The following BACH2 variants were observed in gnomAD, a reference collection of about 807,000 sequenced individuals.
BACH2 encodes transcription regulator protein BACH2.
In BACH2, 5 loss-of-function variants were observed where a neutral mutation model predicts 61.8. The ratio of observed to expected loss-of-function variants is 0.08; its 90% CI spans 0.04 to 0.17. BACH2 has a LOEUF of 0.17. Ranked by LOEUF, BACH2 falls within the 10% of genes least tolerant of loss-of-function variation. The pLI, the probability that BACH2 is intolerant of heterozygous loss-of-function variation, is 1.00. For synonymous variants in BACH2, 446 were observed against 440.1 expected (o/e 1.01, Z -0.17); for missense variants, 824 against 1,091.1 (o/e 0.76, Z 3.45).
chr6:89,939,656 C>CTTTTTTTTTTT (rs71298713), intron 7 of BACH2, among the ~76,000 whole-genome samples: 9 of 82,618 alleles, frequency 1.1e-4, no homozygotes, highest in Admixed American at 1.7e-4. Context: ...GCTTATATTT[C>CTTTTTTTTTTT]TTTTTTTTTT....
chr6:90,122,924 G>A (rs905421453), intron 4 of BACH2, among the ~76,000 whole-genome samples: 5 of 152,152 alleles, frequency 3.3e-5, no homozygotes, highest in African/African-American at 4.8e-5. Flanking sequence ...AGAACTTAAC[G>A]GCAGAGAAAA....
chr6:89,974,428 A>G (rs1161528012), intron 6 of BACH2, among the ~76,000 whole-genome samples: 1 of 152,252 alleles, frequency 6.6e-6, no homozygotes, highest in African/African-American at 2.4e-5. Flanking sequence ...TGTGTTAGAC[A>G]CAAGGGATAT....
intron 5 of BACH2, among the ~76,000 whole-genome samples, chr6:90,043,211 A>C (rs938790564): frequency 6.6e-6 from 1 of 152,162 alleles, no homozygotes; most frequent in African/African-American, 2.4e-5. Context: ...TATGGTTTGA[A>C]TGTGTCCCCC....
intron 6 of BACH2, among the ~76,000 whole-genome samples, chr6:89,952,742 AGATT>A (rs1396683131): frequency 2.0e-5 from 3 of 152,242 alleles, no homozygotes; most frequent in Non-Finnish European, 2.9e-5. Context: ...TATTTTACAA[AGATT>A]GAAAGTGTGC....
intron 3 of BACH2, among the ~76,000 whole-genome samples, chr6:90,209,718 C>A (rs1017432673): frequency 2.6e-5 from 4 of 152,212 alleles, no homozygotes; most frequent in African/African-American, 4.8e-5. Flanking sequence ...AATCCCCGTA[C>A]TCTCAGAACT....
At chr6:90,023,706 G>A (rs904195350) in intron 5 of BACH2, among the ~76,000 whole-genome samples, 1 of 152,046 alleles carries the variant, frequency 6.6e-6, no homozygotes, top group Non-Finnish European at 1.5e-5. Context: ...GGGTTATAAG[G>A]GTAGAGCCCT....
At chr6:90,039,610 T>A (rs1319005500) in intron 5 of BACH2, among the ~76,000 whole-genome samples, 2 of 152,172 alleles carry the variant, frequency 1.3e-5, no homozygotes, top group African/African-American at 4.8e-5. Context: ...GGTCTCTATC[T>A]CCTGACCTCG....
chr6:90,100,720 C>CAG lies in BACH2; in HGVS notation c.-161-11612_-161-11611insCT, dbSNP rs1490714720. Among the ~76,000 whole-genome samples, 33 of 143,102 alleles carry CAG rather than the reference C, an allele frequency of 2.3e-4. No individual in the cohort carries two copies. The South Asian group carries it at 7.2e-3, about 31-fold the overall frequency. The allele number at this position is 143,102 out of a possible 152,430, so 93.9% of individuals were successfully genotyped here. A position where few individuals can be genotyped will look rare whatever the true frequency, so the allele number is the denominator to read the frequency against. ...ACACACAGACACACACACACACACA[C>CAG]ACACACAGACACACACACACACACA... On this transcript the variant is annotated intron_variant, in intron 4 of 8. Coordinates refer to ENST00000257749, the MANE Select transcript of BACH2 (RefSeq NM_021813.4).
intron 6 of BACH2, among the ~76,000 whole-genome samples, chr6:89,973,025 G>C (rs1775455559): frequency 6.6e-6 from 1 of 152,198 alleles, no homozygotes; most frequent in African/African-American, 2.4e-5. Context: ...GGAAGGCAGA[G>C]GTTGCAGTGA....
intron 5 of BACH2, among the ~76,000 whole-genome samples, chr6:90,050,245 C>T (rs904599517): frequency 6.6e-6 from 1 of 152,072 alleles, no homozygotes; most frequent in African/African-American, 2.4e-5. Context: ...CAAAATCATA[C>T]TTGGTAAAAG....
chr6:90,033,802 A>G (rs1016410110), intron 5 of BACH2, among the ~76,000 whole-genome samples: 1 of 152,202 alleles, frequency 6.6e-6, no homozygotes, highest in Non-Finnish European at 1.5e-5. Flanking sequence ...TTCACATAAA[A>G]TGCCCGACAA....
chr6:90,007,335 A>G lies in BACH2; in HGVS notation c.243+1267T>C, dbSNP rs531580323. On this transcript the variant is annotated intron_variant, in intron 6 of 8. Transcript: ENST00000257749. ...ATAATCTGCTCGCCTCGGCCTCCCA[A>G]GTTATTATTTTTTTAAAGATGGGGT... 3.7e-4 allele frequency among the ~76,000 whole-genome samples: 56 copies of G among 151,824 alleles called. 1 individual carries two copies. The highest frequency in any genetic ancestry group is 1.4e-3 in the African/African-American group (56 of 41,376).
chr6:90,228,138 T>C (rs373187271), intron 3 of BACH2, among the ~76,000 whole-genome samples: 29 of 152,400 alleles, frequency 1.9e-4, no homozygotes, highest in African/African-American at 5.8e-4. Context: ...TGCTTTAATA[T>C]ACTTTTATAA....
intron 3 of BACH2, among the ~76,000 whole-genome samples, chr6:90,250,071 G>A (rs1256782280): frequency 6.6e-6 from 1 of 152,178 alleles, no homozygotes. Context: ...GAAAGGTAGT[G>A]TTCCACCAGT....
At chr6:90,183,110 T>A (rs1338926231) in intron 4 of BACH2, among the ~76,000 whole-genome samples, 1 of 152,182 alleles carries the variant, frequency 6.6e-6, no homozygotes, top group African/African-American at 2.4e-5. Context: ...GTGACAGATG[T>A]GTATTGTGTG....
At chr6:90,275,194 T>C (rs747654240) in intron 1 of BACH2, among the ~76,000 whole-genome samples, 4 of 152,240 alleles carry the variant, frequency 2.6e-5, no homozygotes, top group Admixed American at 1.3e-4. Flanking sequence ...AAATTAAGAA[T>C]GGCTGTTTAC....
At chr6:90,212,590 G>A (rs1024486361) in intron 3 of BACH2, among the ~76,000 whole-genome samples, 1 of 152,096 alleles carries the variant, frequency 6.6e-6, no homozygotes, top group Non-Finnish European at 1.5e-5. Context: ...AGCATACCAT[G>A]GAAAACAGAC....
intron 4 of BACH2, among the ~76,000 whole-genome samples, chr6:90,128,056 CCATGG>C (rs1241201326): frequency 3.3e-5 from 5 of 152,154 alleles, no homozygotes; most frequent in Admixed American, 1.3e-4. Context: ...ATTTCCCCAG[CCATGG>C]TCCACAGGTG....
intron 6 of BACH2, among the ~76,000 whole-genome samples, chr6:89,965,332 T>C (rs1774995110): frequency 6.6e-6 from 1 of 152,234 alleles, no homozygotes; most frequent in African/African-American, 2.4e-5. Flanking sequence ...TTTATCACTG[T>C]GGCAATAATC....
Sources: gnomAD v4.1 joint callset for allele counts (sites outside exome capture counted in the v4.1 genomes callset) on GRCh38, gnomAD v4.1.1 for gene constraint, MANE v1.5 for transcripts, NCBI Gene and HGNC (gene_info 2026-07-23, HGNC 2026-07-21) for gene names.